CFTR: variants seen among roughly 807,000 people sequenced by gnomAD.
The protein encoded by CFTR is cystic fibrosis transmembrane conductance regulator.
A neutral mutation model predicts 171.6 loss-of-function variants in CFTR; 181 were observed. The ratio of observed to expected loss-of-function variants is 1.05; its 90% CI spans 0.93 to 1.19. The LOEUF is 1.19. Among genes scored for constraint, CFTR ranks in the 50% most tolerant of loss-of-function variants. The probability of loss-of-function intolerance (pLI) is 0.00; values close to 1 mark genes in which losing one functional copy is unlikely to be tolerated. For missense variants in CFTR, 1,968 were observed against 1,734.7 expected (o/e 1.13, Z -2.39); for synonymous variants, 583 against 608.0 (o/e 0.96, Z 0.60).
chr7:117,596,386 C>G (rs995126525), intron 15 of CFTR, among the ~76,000 whole-genome samples: 31 of 152,350 alleles, frequency 2.0e-4, no homozygotes, highest in East Asian at 3.9e-4. Flanking sequence ...GAGCCTCCCC[C>G]CAACCTGCCG....
At chr7:117,658,711 C>T (rs545719980) in intron 24 of CFTR, among the ~76,000 whole-genome samples, 4 of 152,258 alleles carry the variant, frequency 2.6e-5, no homozygotes, top group South Asian at 2.1e-4. Context: ...AGTTCCTCCA[C>T]GGGTACCCAC....
chr7:117,665,373 T>G, intron 25 of CFTR, 86 bp from the exon 26 acceptor site: 3 of 805,254 alleles, frequency 3.7e-6, no homozygotes, highest in South Asian at 3.1e-5. Context: ...TTTAAAGAGA[T>G]AATAGAACAA....
chr7:117,509,047 G>C lies in CFTR; in HGVS notation c.178G>C (p.Glu60Gln), dbSNP rs77284892. Residue 60 changes from glutamate to glutamine, a missense_variant, in exon 3 of 27, where the codon GAG becomes CAG. Transcript: ENST00000003084. ...SEKLEREWDR[E>Q]LASKKNPKLI... ...ATTCTTTTGCAGAGAATGGGATAGA[G>C]AGCTGGCTTCAAAGAAAAATCCTAA... is the stretch of plus-strand genomic sequence containing the variant. 2.5e-6 allele frequency: 4 copies of C among 1,608,940 alleles called. No homozygotes were observed. The highest frequency in any genetic ancestry group is 3.4e-6 in the Non-Finnish European group (4 of 1,175,676).
intron 1 of CFTR, among the ~76,000 whole-genome samples, chr7:117,494,641 GT>G (rs1436419798): frequency 1.3e-5 from 2 of 152,066 alleles, no homozygotes; most frequent in Non-Finnish European, 2.9e-5. Flanking sequence ...TTTACTTTGG[GT>G]CCTAGTGATG....
chr7:117,569,426 A>T (rs1441572670), intron 11 of CFTR, among the ~76,000 whole-genome samples: 2 of 152,206 alleles, frequency 1.3e-5, no homozygotes, highest in Non-Finnish European at 2.9e-5. Context: ...ACAAAAACTT[A>T]TGCAAATCAA....
intron 24 of CFTR, among the ~76,000 whole-genome samples, chr7:117,659,179 C>T (rs1373333780): frequency 1.3e-5 from 2 of 152,136 alleles, no homozygotes; most frequent in Admixed American, 6.5e-5. Context: ...CTCCTTCTAC[C>T]ATCTTTCAGG....
chr7:117,636,062 A>G (rs1792823475), intron 22 of CFTR, among the ~76,000 whole-genome samples: 1 of 151,874 alleles, frequency 6.6e-6, no homozygotes, highest in Non-Finnish European at 1.5e-5. Flanking sequence ...ACTGACAACA[A>G]TTTTCCCCAA....
At chr7:117,583,532 C>G (rs2116006224) in intron 11 of CFTR, among the ~76,000 whole-genome samples, 1 of 152,224 alleles carries the variant, frequency 6.6e-6, no homozygotes, top group South Asian at 2.1e-4. Flanking sequence ...GAATAGTATT[C>G]CATAGTGTAT....
At chr7:117,617,384 T>G (rs1457246153) in intron 21 of CFTR, among the ~76,000 whole-genome samples, 1 of 152,048 alleles carries the variant, frequency 6.6e-6, no homozygotes, top group Non-Finnish European at 1.5e-5. Context: ...TAACGTTAAG[T>G]TGCATTGTGT....
At chr7:117,504,179 T>C in intron 1 of CFTR, 74 bp from the exon 2 acceptor site, 1 of 858,918 alleles carries the variant, frequency 1.2e-6, no homozygotes, top group South Asian at 1.3e-5. Context: ...CCAGAAAAGT[T>C]GAATAGTATC....
intron 1 of CFTR, among the ~76,000 whole-genome samples, chr7:117,481,278 A>G (rs1178571285): frequency 6.6e-6 from 1 of 152,176 alleles, no homozygotes; most frequent in African/African-American, 2.4e-5. Flanking sequence ...GATGTTATCC[A>G]CCTTTTGTTA....
chr7:117,531,173 T>C, intron 4 of CFTR, 59 bp downstream of exon 4: 1 of 1,336,386 alleles, frequency 7.5e-7, no homozygotes, highest in Non-Finnish European at 1.1e-6. Context: ...CATGTTTTAA[T>C]GTCATAAATT....
At chr7:117,627,863 CATT>C (rs1321292318) in intron 22 of CFTR, 93 bp downstream of exon 22, 3 of 1,272,118 alleles carry the variant, frequency 2.4e-6, no homozygotes, top group Non-Finnish European at 2.3e-6. Context: ...CTATTTGTAA[CATT>C]ATTATTGTAC....
At chr7:117,612,885 G>A (rs758909334) in intron 20 of CFTR, among the ~76,000 whole-genome samples, 45 of 152,204 alleles carry the variant, frequency 3.0e-4, no homozygotes, top group Non-Finnish European at 5.4e-4. Context: ...ATGCCACATT[G>A]ACTTTATGTA....
At chr7:117,610,328 TA>T (rs1173716780) in intron 18 of CFTR, among the ~76,000 whole-genome samples, 190 bp from the exon 19 acceptor site, 2 of 150,142 alleles carry the variant, frequency 1.3e-5, no homozygotes, top group East Asian at 3.9e-4. Flanking sequence ...ATGGCACATG[TA>T]TACATATGTA....
chr7:117,652,771 A>G (rs1331467057), intron 23 of CFTR, 71 bp from the exon 24 acceptor site: 2 of 770,026 alleles, frequency 2.6e-6, no homozygotes, highest in African/African-American at 1.8e-5. Context: ...ATATTTTACA[A>G]TACAATAAGG....
intron 11 of CFTR, among the ~76,000 whole-genome samples, chr7:117,583,321 C>G (rs538696390): frequency 6.6e-6 from 1 of 151,982 alleles, no homozygotes; most frequent in East Asian, 1.9e-4. Context: ...TTATCCCCCC[C>G]CCGCTCCACC....
chr7:117,582,178 TG>T (rs1461840413), intron 11 of CFTR, among the ~76,000 whole-genome samples: 17 of 152,222 alleles, frequency 1.1e-4, no homozygotes, highest in Non-Finnish European at 2.1e-4. Context: ...GCACTCTTTA[TG>T]AAACATAAAC....
chr7:117,502,515 T>C (rs866460233), intron 1 of CFTR, among the ~76,000 whole-genome samples: 1 of 152,358 alleles, frequency 6.6e-6, no homozygotes, highest in African/African-American at 2.4e-5. Flanking sequence ...ATCTAAATTA[T>C]ATCATAAATT....
Sources: gnomAD v4.1 joint callset for allele counts (sites outside exome capture counted in the v4.1 genomes callset) on GRCh38, gnomAD v4.1.1 for gene constraint, MANE v1.5 for transcripts, NCBI Gene and HGNC (gene_info 2026-07-23, HGNC 2026-07-21) for gene names.